The following LDB2 variants were observed in gnomAD, a reference collection of about 807,000 sequenced individuals.
LDB2 encodes the protein LIM domain-binding protein 2.
A neutral mutation model predicts 44.3 loss-of-function variants in LDB2; 12 were observed. The ratio of observed to expected loss-of-function variants is 0.27; its 90% CI spans 0.17 to 0.44. LDB2 has a LOEUF of 0.44. Among genes scored for constraint, LDB2 ranks in the 20% least tolerant of loss-of-function variants. LDB2 has a pLI of 1.00. For missense variants in LDB2, 344 were observed against 473.5 expected, an observed-to-expected ratio of 0.73 and a Z score of 2.54; for synonymous variants, 164 against 174.8, an observed-to-expected ratio of 0.94 and a Z score of 0.49.
At chr4:16,755,703 GC>G (rs1766493661) in intron 2 of LDB2, among the ~76,000 whole-genome samples, 1 of 152,110 alleles carries the variant, frequency 6.6e-6, no homozygotes, top group African/African-American at 2.4e-5. Flanking sequence ...CTGACCTGCT[GC>G]CAGGGAATTG....
In LDB2 at chr4:16,776,270, C is replaced by T. The variant is rs557291163; in HGVS notation, c.133-17010G>A. ...TATAAGGACAATTCCAAGGGTCCTT[C>T]CAAAGAGGTCCTACCAGAACACTCA... On this transcript the variant is annotated intron_variant, in intron 1 of 7. Transcript: ENST00000304523. Among the ~76,000 whole-genome samples, 6 of 152,318 alleles carry T rather than the reference C, an allele frequency of 3.9e-5. No individual in the cohort carries two copies. In the East Asian group the frequency reaches 1.2e-3, roughly 29 times the overall value.
chr4:16,803,946 T>G (rs1778315199), intron 1 of LDB2, among the ~76,000 whole-genome samples: 1 of 152,176 alleles, frequency 6.6e-6, no homozygotes, highest in Admixed American at 6.5e-5. Context: ...GGCCTACAGG[T>G]TTTTACCTTT....
intron 1 of LDB2, among the ~76,000 whole-genome samples, chr4:16,802,515 C>G (rs886654630): frequency 6.6e-6 from 1 of 152,170 alleles, no homozygotes; most frequent in South Asian, 2.1e-4. Flanking sequence ...CTCTCATGTT[C>G]ACCTTTCAGG....
intron 2 of LDB2, among the ~76,000 whole-genome samples, chr4:16,703,003 A>G (rs1013177546): frequency 6.6e-6 from 1 of 152,134 alleles, no homozygotes; most frequent in African/African-American, 2.4e-5. Flanking sequence ...GACCACACAG[A>G]CTGGGTTAAT....
intron 1 of LDB2, among the ~76,000 whole-genome samples, chr4:16,898,046 A>C (rs964513239): frequency 6.6e-6 from 1 of 150,386 alleles, no homozygotes; most frequent in African/African-American, 2.4e-5. Flanking sequence ...CTCAAGAAAC[A>C]CCAACAGGAC....
chr4:16,892,655 T>C (rs1723757466), intron 1 of LDB2, among the ~76,000 whole-genome samples: 1 of 152,180 alleles, frequency 6.6e-6, no homozygotes, highest in Admixed American at 6.5e-5. Flanking sequence ...ATGTTTGGGG[T>C]TGTTTTACGT....
At chr4:16,656,374 G>A (rs367932573) in intron 2 of LDB2, among the ~76,000 whole-genome samples, 3 of 152,116 alleles carry the variant, frequency 2.0e-5, no homozygotes, top group South Asian at 2.1e-4. Context: ...GTCCTGTAGC[G>A]CAGCCCCTTC....
At chr4:16,554,135 C>G (rs1738650633) in intron 5 of LDB2, among the ~76,000 whole-genome samples, 2 of 151,534 alleles carry the variant, frequency 1.3e-5, no homozygotes, top group South Asian at 2.1e-4. Context: ...ACCACAACTT[C>G]CACCTCCCAG....
intron 5 of LDB2, among the ~76,000 whole-genome samples, chr4:16,513,754 G>A (rs1368878470): frequency 6.6e-6 from 1 of 152,106 alleles, no homozygotes; most frequent in Non-Finnish European, 1.5e-5. Flanking sequence ...ATAAAGCAAA[G>A]TTTGTCTTTT....
At chr4:16,752,369 G>A (rs1239905908) in intron 2 of LDB2, 2 of 448,436 alleles carry the variant, frequency 4.5e-6, no homozygotes, top group Admixed American at 2.4e-5. Flanking sequence ...GACAGATGTG[G>A]TAATTGTAAT....
At chr4:16,862,617 G>C (rs967464699) in intron 1 of LDB2, among the ~76,000 whole-genome samples, 8 of 94,076 alleles carry the variant, frequency 8.5e-5, no homozygotes, top group Non-Finnish European at 1.1e-4. Flanking sequence ...TGGGCAACAA[G>C]AGTGAAATTC....
chr4:16,615,902 A>G (rs1444268497), intron 2 of LDB2, among the ~76,000 whole-genome samples: 3 of 152,110 alleles, frequency 2.0e-5, no homozygotes, highest in Non-Finnish European at 4.4e-5. Flanking sequence ...GCTCTGCCTT[A>G]TGGTAGCTGT....
intron 1 of LDB2, among the ~76,000 whole-genome samples, chr4:16,863,785 C>T (rs1713614682): frequency 6.6e-6 from 1 of 150,998 alleles, no homozygotes; most frequent in Non-Finnish European, 1.5e-5. Context: ...CTCAGCCTTC[C>T]GAGTAGCTGC....
intron 5 of LDB2, among the ~76,000 whole-genome samples, chr4:16,562,181 A>G (rs1331590563): frequency 6.6e-6 from 1 of 152,202 alleles, no homozygotes; most frequent in East Asian, 1.9e-4. Flanking sequence ...TGTCTAAAAC[A>G]CCAAAAGCAA....
At chr4:16,504,101 G>A (rs1428939991) in intron 7 of LDB2, among the ~76,000 whole-genome samples, 1 of 152,174 alleles carries the variant, frequency 6.6e-6, no homozygotes, top group African/African-American at 2.4e-5. Flanking sequence ...CTAGCCAGAT[G>A]CTTTTGGAGA....
chr4:16,517,010 C>T (rs924040039), intron 5 of LDB2, among the ~76,000 whole-genome samples: 1 of 152,178 alleles, frequency 6.6e-6, no homozygotes, highest in Non-Finnish European at 1.5e-5. Context: ...AGATAAGAGC[C>T]TGTCTTCTTT....
At chr4:16,882,419 C>A (rs1049700338) in intron 1 of LDB2, among the ~76,000 whole-genome samples, 2 of 152,106 alleles carry the variant, frequency 1.3e-5, no homozygotes, top group African/African-American at 4.8e-5. Flanking sequence ...CTCCTTTTCC[C>A]CTGCCTCCAT....
intron 5 of LDB2, among the ~76,000 whole-genome samples, chr4:16,545,911 T>C (rs1735577717): frequency 6.6e-6 from 1 of 152,220 alleles, no homozygotes; most frequent in Non-Finnish European, 1.5e-5. Context: ...AAGCAGATGA[T>C]TGCCTCTGGC....
intron 2 of LDB2, among the ~76,000 whole-genome samples, chr4:16,681,772 C>T (rs529539322): frequency 3.3e-5 from 5 of 151,832 alleles, no homozygotes; most frequent in South Asian, 2.1e-4. Context: ...GGGGTTTCAC[C>T]GTGTTAGCCA....
Sources: allele counts gnomAD v4.1 joint callset (sites outside exome capture counted in the v4.1 genomes callset), GRCh38; gene constraint gnomAD v4.1.1; transcripts MANE v1.5; gene names NCBI Gene and HGNC (gene_info 2026-07-23, HGNC 2026-07-21).